The following DST variants were observed in gnomAD, a reference collection of about 807,000 sequenced individuals.
The protein encoded by DST is dystonin.
In DST, 253 loss-of-function variants were observed where a neutral mutation model predicts 875.2. That is an observed-to-expected ratio of 0.29 (90% CI 0.26 to 0.32). The LOEUF is 0.32. Ranked by LOEUF, DST falls within the 10% of genes least tolerant of loss-of-function variation. DST has a pLI of 1.00. For synonymous variants in DST, 3,124 were observed against 3,197.1 expected (o/e 0.98, Z 0.77); for missense variants, 8,287 against 9,111.6 (o/e 0.91, Z 3.68).
intron 3 of DST, among the ~76,000 whole-genome samples, chr6:56,883,150 G>A (rs781696287): frequency 7.9e-5 from 12 of 152,208 alleles, no homozygotes; most frequent in Non-Finnish European, 1.2e-4. Context: ...TTACAGGTGT[G>A]AGCCACCACG....
At chr6:56,879,000 C>A (rs1780766559) in intron 3 of DST, among the ~76,000 whole-genome samples, 1 of 152,044 alleles carries the variant, frequency 6.6e-6, no homozygotes, top group African/African-American at 2.4e-5. Flanking sequence ...TTGAGTTTTT[C>A]CTTAGGAGTA....
chr6:56,770,307 AG>A (rs1247810633), intron 4 of DST, among the ~76,000 whole-genome samples: 2 of 152,238 alleles, frequency 1.3e-5, no homozygotes, highest in African/African-American at 4.8e-5. Context: ...TTTGACTCCC[AG>A]GCCTCATGGT....
intron 4 of DST, among the ~76,000 whole-genome samples, chr6:56,766,610 A>C (rs1269694870): frequency 1.3e-5 from 2 of 151,198 alleles, no homozygotes; most frequent in Non-Finnish European, 2.9e-5. Context: ...GACTCACTGC[A>C]ACCTCCGCCT....
intron 4 of DST, among the ~76,000 whole-genome samples, chr6:56,815,628 TC>T (rs2099765611): frequency 6.6e-6 from 1 of 152,158 alleles, no homozygotes; most frequent in East Asian, 1.9e-4. Flanking sequence ...GAAGCCCAAG[TC>T]CCAGCACCTC....
intron 4 of DST, among the ~76,000 whole-genome samples, chr6:56,775,110 G>A (rs2099676028): frequency 6.6e-6 from 1 of 152,028 alleles, no homozygotes; most frequent in Non-Finnish European, 1.5e-5. Context: ...AGTTTTGAGG[G>A]GAATTTTAGT....
intron 10 of DST, among the ~76,000 whole-genome samples, chr6:56,668,817 T>C (rs1312342668): frequency 1.3e-5 from 2 of 151,364 alleles, no homozygotes; most frequent in African/African-American, 4.9e-5. Context: ...GGCTCCTGAG[T>C]GTGTGTATGT....
At chr6:56,685,664 C>A (rs147863988) in intron 9 of DST, among the ~76,000 whole-genome samples, 19 of 151,956 alleles carry the variant, frequency 1.3e-4, no homozygotes, top group African/African-American at 4.6e-4. Context: ...CCCAGCTACT[C>A]GTGAGGCTGA....
intron 49 of DST, among the ~76,000 whole-genome samples, chr6:56,583,440 GTTGT>G (rs988692631): frequency 3.7e-4 from 56 of 152,218 alleles, no homozygotes; most frequent in East Asian, 1.4e-3. Flanking sequence ...TTTTGATGGG[GTTGT>G]TTGTTTTTTT....
At chr6:56,625,703 T>C (rs577844466) in intron 34 of DST, among the ~76,000 whole-genome samples, 1 of 151,790 alleles carries the variant, frequency 6.6e-6, no homozygotes, top group African/African-American at 2.4e-5. Context: ...CACTATACTT[T>C]TAGTTGTTGT....
chr6:56,719,944 G>GA (rs2099408581), intron 5 of DST, among the ~76,000 whole-genome samples: 1 of 152,174 alleles, frequency 6.6e-6, no homozygotes, highest in Admixed American at 6.5e-5. Context: ...AGGACCACAG[G>GA]ACTGGGGCAA....
intron 4 of DST, among the ~76,000 whole-genome samples, chr6:56,806,615 A>C (rs1184242874): frequency 6.6e-6 from 1 of 152,202 alleles, no homozygotes; most frequent in South Asian, 2.1e-4. Context: ...GGGAGCCCTG[A>C]GCAGCTGCTA....
chr6:56,645,785 G>A (rs1294999300), intron 15 of DST, 81 bp downstream of exon 15: 2 of 1,516,144 alleles, frequency 1.3e-6, no homozygotes, highest in Non-Finnish European at 1.8e-6. Context: ...AGTAAACAGA[G>A]GTTTAACTTA....
At chr6:56,484,985 T>C (rs2095514953) in intron 88 of DST, 1 of 219,150 alleles carries the variant, frequency 4.6e-6, no homozygotes, top group Admixed American at 5.6e-5. Context: ...TACATAATTG[T>C]TTAAGTGCAT....
intron 9 of DST, among the ~76,000 whole-genome samples, chr6:56,687,935 A>G (rs1483169864): frequency 6.6e-6 from 1 of 152,220 alleles, no homozygotes. Flanking sequence ...GATAAAGTCC[A>G]AGTGCTAATG....
chr6:56,753,961 T>C (rs1000226146), intron 4 of DST, among the ~76,000 whole-genome samples: 1 of 152,202 alleles, frequency 6.6e-6, no homozygotes, highest in African/African-American at 2.4e-5. Context: ...GAAATGTCCA[T>C]GGTTCCAAAA....
At chr6:56,668,013 G>A (rs1191449094) in intron 10 of DST, among the ~76,000 whole-genome samples, 1 of 151,914 alleles carries the variant, frequency 6.6e-6, no homozygotes, top group Non-Finnish European at 1.5e-5. Flanking sequence ...CAATCCTCCG[G>A]CCTCATCCTC....
intron 2 of DST, among the ~76,000 whole-genome samples, chr6:56,941,847 A>C (rs867331480): frequency 6.6e-6 from 1 of 152,146 alleles, no homozygotes; most frequent in South Asian, 2.1e-4. Flanking sequence ...TTAGCTCTTT[A>C]CCTACGTTTT....
chr6:56,606,124 A>AT lies in DST; in HGVS notation c.8503dup (p.Met2835AsnfsTer12). 1 of 1,612,816 alleles carries AT rather than the reference A, an allele frequency of 6.2e-7. No homozygotes were observed. The highest frequency in any genetic ancestry group is 8.5e-7 in the Non-Finnish European group (1 of 1,179,272). On this transcript the variant is annotated frameshift_variant, in exon 40 of 104. Coordinates refer to ENST00000680361, the MANE Select transcript of DST (RefSeq NM_001374736.1). LOFTEE classifies it high-confidence loss of function. ...AATAGAGGCACACAACTGGATATCC[A>AT]TATCTTCAGCCACATTTTGGCACCT...
At chr6:56,697,207 C>T (rs377331742) in intron 9 of DST, among the ~76,000 whole-genome samples, 40 of 152,270 alleles carry the variant, frequency 2.6e-4, no homozygotes, top group African/African-American at 9.4e-4. Flanking sequence ...CCCTTTCCTA[C>T]ACCCTCTATG....
Sources: gnomAD v4.1 joint callset for allele counts (sites outside exome capture counted in the v4.1 genomes callset) on GRCh38, gnomAD v4.1.1 for gene constraint, MANE v1.5 for transcripts, NCBI Gene and HGNC (gene_info 2026-07-23, HGNC 2026-07-21) for gene names.